SLC39A11: variants seen among roughly 807,000 people sequenced by gnomAD.
SLC39A11 encodes the protein zinc transporter ZIP11.
Under a neutral mutation model 36.1 loss-of-function variants are expected in SLC39A11, and 33 were observed. That is an observed-to-expected ratio of 0.91 (90% CI 0.69 to 1.22). The LOEUF is 1.22. Ranked by LOEUF, SLC39A11 falls within the 50% of genes most tolerant of loss-of-function variation. SLC39A11 has a pLI of 0.00. For missense variants in SLC39A11, 432 were observed against 430.3 expected (o/e 1.00, Z -0.03); for synonymous variants, 166 against 170.3 (o/e 0.97, Z 0.20).
chr17:72,936,778 C>T (rs1182249089), intron 5 of SLC39A11, among the ~76,000 whole-genome samples: 2 of 138 alleles, frequency 0.014, no homozygotes, highest in Admixed American at 0.045. Context: ...AGGATGAAAC[C>T]GTTCCACCCT....
chr17:72,711,245 A>G (rs1228155862), intron 7 of SLC39A11, among the ~76,000 whole-genome samples: 1 of 152,246 alleles, frequency 6.6e-6, no homozygotes, highest in Non-Finnish European at 1.5e-5. Context: ...GTTGCATGGA[A>G]TAAAGACAGC....
chr17:72,842,597 G>A (rs1203836562), intron 6 of SLC39A11, among the ~76,000 whole-genome samples: 2 of 152,174 alleles, frequency 1.3e-5, no homozygotes, highest in Non-Finnish European at 2.9e-5. Context: ...AAGGCTCAGA[G>A]CCCTTCAATC....
intron 7 of SLC39A11, among the ~76,000 whole-genome samples, chr17:72,704,441 AG>A (rs1401127770): frequency 6.6e-6 from 1 of 152,234 alleles, no homozygotes; most frequent in African/African-American, 2.4e-5. Context: ...TTTAGATTAA[AG>A]AAGTCAAAGA....
intron 3 of SLC39A11, among the ~76,000 whole-genome samples, chr17:73,059,535 C>T (rs897041034): frequency 4.6e-5 from 7 of 151,512 alleles, no homozygotes; most frequent in African/African-American, 7.3e-5. Context: ...GGCATGGGGG[C>T]GGCTGCCACC....
chr17:73,052,847 C>T (rs1246674699), intron 3 of SLC39A11, among the ~76,000 whole-genome samples: 4 of 152,174 alleles, frequency 2.6e-5, no homozygotes, highest in Admixed American at 6.5e-5. Context: ...ATTACAGGAG[C>T]GTGCCATCAT....
At chr17:73,045,346 C>T (rs1166843028) in intron 3 of SLC39A11, among the ~76,000 whole-genome samples, 1 of 129,928 alleles carries the variant, frequency 7.7e-6, no homozygotes, top group Non-Finnish European at 1.6e-5. Context: ...ATTTATTGAC[C>T]AGTCACCTAA....
Position 73,056,524 on chromosome 17 carries a change from G to A in SLC39A11, c.148-24810C>T, listed in dbSNP as rs138382917. ...ATCTTTTTTTGGCTTTTGCATCCAG[G>A]ATTAGATTGTGCTGGATGAGAGCAC... is the stretch of plus-strand genomic sequence containing the variant. On this transcript the variant is annotated intron_variant, in intron 3 of 9. Transcript: ENST00000255559. 3.1e-3 allele frequency among the ~76,000 whole-genome samples: 477 copies of A among 152,226 alleles called. 1 individual carries two copies. The highest frequency in any genetic ancestry group is 5.8e-3 in the Non-Finnish European group (395 of 68,016).
chr17:72,764,489 C>G (rs1345010240), intron 6 of SLC39A11, among the ~76,000 whole-genome samples: 1 of 152,138 alleles, frequency 6.6e-6, no homozygotes, highest in East Asian at 1.9e-4. Context: ...GTTAGGGGCA[C>G]TGGGTCCTTA....
chr17:72,899,634 G>C (rs1443943703), intron 5 of SLC39A11, among the ~76,000 whole-genome samples: 1 of 152,154 alleles, frequency 6.6e-6, no homozygotes, highest in African/African-American at 2.4e-5. Context: ...ACAGCAGCAA[G>C]GAAAAACTCA....
chr17:72,827,081 A>G (rs980035406), intron 6 of SLC39A11, among the ~76,000 whole-genome samples: 1 of 152,248 alleles, frequency 6.6e-6, no homozygotes, highest in African/African-American at 2.4e-5. Context: ...TAATAGTCCA[A>G]CAGTAGATAT....
chr17:73,013,308 G>A (rs1032864363), intron 4 of SLC39A11, among the ~76,000 whole-genome samples: 2 of 33,486 alleles, frequency 6.0e-5, no homozygotes, highest in South Asian at 4.6e-3. Flanking sequence ...GGCTGGTCTC[G>A]AACTCCTGAC....
chr17:72,691,738 C>G (rs1380167060), intron 7 of SLC39A11, among the ~76,000 whole-genome samples: 1 of 152,174 alleles, frequency 6.6e-6, no homozygotes, highest in African/African-American at 2.4e-5. Flanking sequence ...GAGTCATTCC[C>G]ATGCGTAGAT....
At chr17:72,692,276 G>A (rs564754240) in intron 7 of SLC39A11, among the ~76,000 whole-genome samples, 18 of 152,292 alleles carry the variant, frequency 1.2e-4, no homozygotes, top group African/African-American at 4.3e-4. Flanking sequence ...CTCCCAAAGG[G>A]CTCAGATTAC....
chr17:72,926,329 GT>G (rs1411131649), intron 5 of SLC39A11, among the ~76,000 whole-genome samples: 58 of 152,226 alleles, frequency 3.8e-4, no homozygotes, highest in African/African-American at 1.3e-3. Flanking sequence ...ACCTAACCTT[GT>G]TGGCTCCAGA....
At chr17:73,005,419 T>C (rs1304162934) in intron 4 of SLC39A11, among the ~76,000 whole-genome samples, 11 of 152,204 alleles carry the variant, frequency 7.2e-5, no homozygotes, top group Admixed American at 5.9e-4. Flanking sequence ...TGCCTGACTG[T>C]GTGTCTGATA....
chr17:73,033,777 A>C (rs1245557441), intron 3 of SLC39A11, among the ~76,000 whole-genome samples: 1 of 152,230 alleles, frequency 6.6e-6, no homozygotes, highest in Non-Finnish European at 1.5e-5. Context: ...AATCATCTGC[A>C]TCACCCATCT....
rs571388735 is a variant in SLC39A11 at position 73,049,273 on chromosome 17, G to C, written c.148-17559C>G. Reference sequence around the variant, plus strand: ...GGACTGGGGGCAGGGGCTTCAACTAGATGCATCCAGGCAAGGCTGCACAGA... The same window carrying C: ...GGACTGGGGGCAGGGGCTTCAACTACATGCATCCAGGCAAGGCTGCACAGA... On this transcript the variant is annotated intron_variant, in intron 3 of 9. Transcript: ENST00000255559. Among the ~76,000 whole-genome samples the C allele has an allele frequency of 3.2e-4, 48 of 152,328 alleles. 1 individual carries two copies. Among genetic ancestry groups the C allele is most frequent in the Middle Eastern group, 3.4e-3 (1 of 294 alleles).
intron 2 of SLC39A11, among the ~76,000 whole-genome samples, chr17:73,088,111 T>C (rs1048681609): frequency 1.3e-5 from 2 of 151,938 alleles, no homozygotes; most frequent in Non-Finnish European, 2.9e-5. Flanking sequence ...TTGAGACCAG[T>C]GGTGAAATCC....
At chr17:73,005,642 T>C (rs1361426938) in intron 4 of SLC39A11, among the ~76,000 whole-genome samples, 1 of 152,186 alleles carries the variant, frequency 6.6e-6, no homozygotes, top group East Asian at 1.9e-4. Flanking sequence ...CACGTGAGTC[T>C]GTGATCACAT....
Sources: allele counts gnomAD v4.1 joint callset (sites outside exome capture counted in the v4.1 genomes callset), GRCh38; gene constraint gnomAD v4.1.1; transcripts MANE v1.5; gene names NCBI Gene and HGNC (gene_info 2026-07-23, HGNC 2026-07-21).